Variants in SEMA5A observed in about 807,000 individuals in gnomAD.
SEMA5A encodes the protein semaphorin 5A.
In SEMA5A, 55 loss-of-function variants were observed where a neutral mutation model predicts 135.5. That is an observed-to-expected ratio of 0.41 (90% confidence interval 0.33 to 0.51). SEMA5A has a LOEUF of 0.51. Ranked by LOEUF, SEMA5A falls within the 20% of genes least tolerant of loss-of-function variation. The pLI is 0.37. For missense variants in SEMA5A, 1,290 were observed against 1,419.9 expected (o/e 0.91, Z 1.47); for synonymous variants, 580 against 546.5 (o/e 1.06, Z -0.85).
intron 8 of SEMA5A, among the ~76,000 whole-genome samples, chr5:9,221,040 C>T (rs1017782226): frequency 6.6e-6 from 1 of 152,126 alleles, no homozygotes; most frequent in Admixed American, 6.5e-5. Flanking sequence ...CACTGCATGG[C>T]CACCAAAGCA....
At chr5:9,396,682 T>G (rs1258550111) in intron 2 of SEMA5A, among the ~76,000 whole-genome samples, 3 of 152,084 alleles carry the variant, frequency 2.0e-5, no homozygotes, top group African/African-American at 4.8e-5. Context: ...AATCCTAAAC[T>G]TAGTGTACTC....
intron 16 of SEMA5A, among the ~76,000 whole-genome samples, chr5:9,096,857 G>A (rs1739346464): frequency 1.3e-5 from 2 of 151,948 alleles, no homozygotes; most frequent in African/African-American, 4.8e-5. Context: ...AACATCACTG[G>A]TCATCAGGAA....
At chr5:9,356,410 AT>A (rs1754450172) in intron 3 of SEMA5A, among the ~76,000 whole-genome samples, 1 of 152,116 alleles carries the variant, frequency 6.6e-6, no homozygotes, top group Non-Finnish European at 1.5e-5. Context: ...AGTAACACAC[AT>A]TTTTTGCTTT....
At chr5:9,540,840 C>T (rs938310664) in intron 1 of SEMA5A, among the ~76,000 whole-genome samples, 1 of 152,106 alleles carries the variant, frequency 6.6e-6, no homozygotes, top group Non-Finnish European at 1.5e-5. Context: ...CAAGACGTGT[C>T]ACATCTCCGG....
chr5:9,177,021 A>G (rs1315658378), intron 11 of SEMA5A, among the ~76,000 whole-genome samples: 3 of 152,248 alleles, frequency 2.0e-5, no homozygotes, highest in Non-Finnish European at 2.9e-5. Context: ...TAGAATTATC[A>G]GATAGGGACA....
chr5:9,268,853 TG>T (rs1361481715), intron 5 of SEMA5A, among the ~76,000 whole-genome samples: 1 of 152,170 alleles, frequency 6.6e-6, no homozygotes, highest in African/African-American at 2.4e-5. Context: ...CTTAATAATT[TG>T]GGGATAAATT....
intron 5 of SEMA5A, among the ~76,000 whole-genome samples, chr5:9,304,483 T>C (rs983916658): frequency 2.0e-5 from 3 of 146,936 alleles, no homozygotes; most frequent in African/African-American, 7.4e-5. Context: ...AAGTTAAACA[T>C]ACACTCAATT....
At chr5:9,381,593 C>T (rs1184198834) in intron 2 of SEMA5A, among the ~76,000 whole-genome samples, 2 of 152,104 alleles carry the variant, frequency 1.3e-5, no homozygotes, top group African/African-American at 4.8e-5. Flanking sequence ...GTCCAACTAC[C>T]CTGAGATGGC....
At chr5:9,241,161 T>G (rs1421796295) in intron 5 of SEMA5A, among the ~76,000 whole-genome samples, 1 of 152,128 alleles carries the variant, frequency 6.6e-6, no homozygotes, top group Admixed American at 6.5e-5. Context: ...ACCTACATTT[T>G]AAAAGACACA....
chr5:9,416,802 G>T (rs1413683787), intron 2 of SEMA5A, among the ~76,000 whole-genome samples: 1 of 152,190 alleles, frequency 6.6e-6, no homozygotes, highest in East Asian at 1.9e-4. Context: ...GGATACTACG[G>T]GTATCTGTCA....
intron 1 of SEMA5A, among the ~76,000 whole-genome samples, chr5:9,466,502 T>G (rs1759268233): frequency 6.6e-6 from 1 of 152,044 alleles, no homozygotes; most frequent in African/African-American, 2.4e-5. Context: ...GTGAAGTTAT[T>G]TATGAGATAG....
intron 1 of SEMA5A, among the ~76,000 whole-genome samples, chr5:9,530,861 C>T (rs534191732): frequency 9.2e-5 from 14 of 152,246 alleles, no homozygotes; most frequent in African/African-American, 2.4e-4. Context: ...GCTACAAAAT[C>T]GGAGGGAGAG....
rs1735792749 is a variant in SEMA5A, at chr5:9,038,748, A to AGAC, written c.*4146_*4148dup. 1 of 50,798 alleles carries AGAC rather than the reference A, an allele frequency of 2.0e-5. No individual in the cohort carries two copies. The highest frequency in any genetic ancestry group is 6.2e-5 in the African/African-American group (1 of 16,150). The allele number at this position is 50,798 out of a possible 1,614,324, so 3.1% of individuals were successfully genotyped here. The stretch of plus-strand genomic sequence containing the variant: ...ACTTTGTTCTTTTTTTTTTTTTTTG[A>AGAC]GACAGGGTCTCTCTCTGTCACCCAG... On this transcript the variant is annotated 3_prime_UTR_variant, in exon 23 of 23. Transcript: ENST00000382496.
intron 1 of SEMA5A, among the ~76,000 whole-genome samples, chr5:9,461,216 A>G (rs759183161): frequency 1.3e-5 from 2 of 152,240 alleles, no homozygotes; most frequent in Non-Finnish European, 2.9e-5. Flanking sequence ...CAAAGCAGGA[A>G]TATGGAAAAG....
intron 4 of SEMA5A, among the ~76,000 whole-genome samples, chr5:9,320,562 A>G (rs1176097034): frequency 6.6e-6 from 1 of 152,134 alleles, no homozygotes; most frequent in Non-Finnish European, 1.5e-5. Context: ...AAGAAAAAAT[A>G]CAAAAATTAG....
At chr5:9,371,795 G>A (rs1755148149) in intron 3 of SEMA5A, among the ~76,000 whole-genome samples, 1 of 152,160 alleles carries the variant, frequency 6.6e-6, no homozygotes, top group African/African-American at 2.4e-5. Flanking sequence ...AAACTCTTAA[G>A]AGGATAAGTC....
intron 16 of SEMA5A, among the ~76,000 whole-genome samples, chr5:9,102,707 A>G (rs1340604942): frequency 6.6e-6 from 1 of 152,198 alleles, no homozygotes; most frequent in Non-Finnish European, 1.5e-5. Context: ...AATTAAGAAC[A>G]ATACAATTAT....
intron 1 of SEMA5A, among the ~76,000 whole-genome samples, chr5:9,480,293 T>C (rs770203279): frequency 1.3e-5 from 2 of 152,236 alleles, no homozygotes; most frequent in Non-Finnish European, 2.9e-5. Flanking sequence ...CTTTTTACTA[T>C]GTCCCTGAAT....
chr5:9,453,343 C>G (rs1349067333), intron 1 of SEMA5A, among the ~76,000 whole-genome samples: 1 of 152,216 alleles, frequency 6.6e-6, no homozygotes, highest in Non-Finnish European at 1.5e-5. Context: ...CTATCACCTT[C>G]TTGTTTCAGC....
Sources: gnomAD v4.1 joint callset for allele counts (sites outside exome capture counted in the v4.1 genomes callset) on GRCh38, gnomAD v4.1.1 for gene constraint, MANE v1.5 for transcripts, NCBI Gene and HGNC (gene_info 2026-07-23, HGNC 2026-07-21) for gene names.